The following P2RY8 variants were observed in gnomAD, a reference collection of about 807,000 sequenced individuals.
P2RY8 encodes P2Y receptor family member 8.
P2RY8 carries 6 observed loss-of-function variants against 10.0 expected under a neutral mutation model. The observed-to-expected ratio is 0.60, with a 90% CI of 0.33 to 1.19. The LOEUF is 1.19. P2RY8 is among the 50% of genes most tolerant of loss of function. The probability of loss-of-function intolerance (pLI) is 0.04; values close to 1 mark genes in which losing one functional copy is unlikely to be tolerated. For missense variants in P2RY8, 456 were observed against 542.0 expected, an observed-to-expected ratio of 0.84 and a Z score of 1.58; for synonymous variants, 276 against 252.5, an observed-to-expected ratio of 1.09 and a Z score of -0.88.
chrX:1,506,686 T>C (rs189804852), intron 1 of P2RY8, among the ~76,000 whole-genome samples: 3,649 of 151,766 alleles, frequency 0.024, 128 homozygotes, highest in African/African-American at 0.078. Context: ...TTCTTTCTTT[T>C]TTTTTTTTTG....
intron 1 of P2RY8, among the ~76,000 whole-genome samples, chrX:1,505,987 C>CT (rs542485545): frequency 0.015 from 1,653 of 108,760 alleles, 32 homozygotes; most frequent in African/African-American, 0.038. Context: ...TTTCTTTCTT[C>CT]TTTTTTTTTT....
At chrX:1,514,157 G>C (rs1361351930) in intron 1 of P2RY8, among the ~76,000 whole-genome samples, 2 of 151,980 alleles carry the variant, frequency 1.3e-5, no homozygotes, top group Admixed American at 6.6e-5. Context: ...TATAAATCCA[G>C]GGCAAACCAA....
intron 1 of P2RY8, among the ~76,000 whole-genome samples, chrX:1,491,820 A>G (rs2149391595): frequency 6.6e-6 from 1 of 152,202 alleles, no homozygotes; most frequent in South Asian, 2.1e-4. Flanking sequence ...AATGAATGCC[A>G]CTCTGAGAAT....
chrX:1,495,271 T>C (rs1476120581), intron 1 of P2RY8, among the ~76,000 whole-genome samples: 1 of 152,182 alleles, frequency 6.6e-6, no homozygotes, highest in Non-Finnish European at 1.5e-5. Flanking sequence ...CAGGCTGCAT[T>C]GTACCCTCCC....
chrX:1,505,708 T>A (rs1440888298), intron 1 of P2RY8, among the ~76,000 whole-genome samples: 2 of 151,956 alleles, frequency 1.3e-5, no homozygotes, highest in African/African-American at 4.8e-5. Context: ...GAGAATCGCT[T>A]GAACCAGGGA....
chrX:1,505,048 G>A (rs2092218276), intron 1 of P2RY8, among the ~76,000 whole-genome samples: 1 of 150,870 alleles, frequency 6.6e-6, no homozygotes, highest in Non-Finnish European at 1.5e-5. Flanking sequence ...TGAGGCAGGA[G>A]AATGGCGTGA....
chrX:1,535,606 C>G (rs1347179801), intron 1 of P2RY8, among the ~76,000 whole-genome samples: 2 of 151,898 alleles, frequency 1.3e-5, no homozygotes, highest in Non-Finnish European at 1.5e-5. Context: ...CCACGGGCTT[C>G]AGCTCCTCAG....
chrX:1,486,498 T>G (rs2091987571), intron 1 of P2RY8, among the ~76,000 whole-genome samples: 2 of 152,168 alleles, frequency 1.3e-5, no homozygotes, highest in East Asian at 3.9e-4. Context: ...TCCATTTCAA[T>G]AAAATGCCCA....
At chrX:1,497,953 A>G (rs775859061) in intron 1 of P2RY8, among the ~76,000 whole-genome samples, 10 of 152,186 alleles carry the variant, frequency 6.6e-5, no homozygotes, top group African/African-American at 2.4e-4. Context: ...TAAGAAGCAG[A>G]GAGGGATGAG....
At chrX:1,487,843 G>T (rs1392498644) in intron 1 of P2RY8, among the ~76,000 whole-genome samples, 25 of 152,184 alleles carry the variant, frequency 1.6e-4, no homozygotes, top group African/African-American at 5.3e-4. Flanking sequence ...AGGCGCGGTG[G>T]CTCACGCCTG....
At chrX:1,524,430 CATCCATCCATTCATCCATCT>C (rs1269814742) in intron 1 of P2RY8, among the ~76,000 whole-genome samples, 13 of 146,434 alleles carry the variant, frequency 8.9e-5, no homozygotes, top group South Asian at 2.2e-4. Flanking sequence ...TCCATCCATC[CATCCATCCATTCATCCATCT>C]ATCCATCCAT....
Position 1,463,776 on chromosome X carries a change from C to T in P2RY8, c.*1703G>A, listed in dbSNP as rs1411608275. On this transcript the variant is annotated 3_prime_UTR_variant, in exon 2 of 2. Coordinates refer to ENST00000381297, the MANE Select transcript of P2RY8 (RefSeq NM_178129.5). The stretch of plus-strand genomic sequence containing the variant: ...ACTCCAGGCATCCCTGGGCTTGGGG[C>T]AGCATCACTTCAGTCTCTGCCTCTG... The T allele has an allele frequency of 1.2e-4, 28 of 233,116 alleles. 1 individual carries two copies. The East Asian group carries it at 1.7e-3, about 14-fold the overall frequency. The allele number at this position is 233,116 out of a possible 1,614,324, so 14.4% of individuals were successfully genotyped here.
At chrX:1,489,586 G>T (rs1185431582) in intron 1 of P2RY8, among the ~76,000 whole-genome samples, 12 of 151,878 alleles carry the variant, frequency 7.9e-5, no homozygotes, top group African/African-American at 2.9e-4. Flanking sequence ...ATGATACCCA[G>T]ATATTCCCTG....
intron 1 of P2RY8, among the ~76,000 whole-genome samples, chrX:1,498,393 G>C (rs748874455): frequency 8.2e-6 from 1 of 121,802 alleles, no homozygotes; most frequent in Non-Finnish European, 1.7e-5. Flanking sequence ...GCGACAGAGC[G>C]AGACTCTGTC....
At chrX:1,524,549 C>CCATCCATG (rs1491376318) in intron 1 of P2RY8, among the ~76,000 whole-genome samples, 19 of 93,086 alleles carry the variant, frequency 2.0e-4, no homozygotes, top group Non-Finnish European at 4.0e-4. Context: ...ATCCATCCAT[C>CCATCCATG]CATGCATGCA....
chrX:1,508,716 A>AT (rs1224549765), intron 1 of P2RY8, among the ~76,000 whole-genome samples: 766 of 73,456 alleles, frequency 0.01, 11 homozygotes, highest in African/African-American at 0.023. Flanking sequence ...CTATCTATCT[A>AT]TCTATCTATC....
intron 1 of P2RY8, among the ~76,000 whole-genome samples, chrX:1,536,262 T>C (rs1475768512): frequency 1.1e-4 from 16 of 151,550 alleles, no homozygotes; most frequent in African/African-American, 3.7e-4. Flanking sequence ...AATGAGTTTT[T>C]TTTTGTTTTT....
intron 1 of P2RY8, among the ~76,000 whole-genome samples, chrX:1,508,698 CATCCATTCTATCT>C (rs2092257640): frequency 2.2e-5 from 2 of 90,980 alleles, no homozygotes; most frequent in Admixed American, 1.1e-4. Flanking sequence ...TCCATCCATC[CATCCATTCTATCT>C]ATCTATCTAT....
At chrX:1,520,789 T>C (rs1443265474) in intron 1 of P2RY8, among the ~76,000 whole-genome samples, 1 of 151,962 alleles carries the variant, frequency 6.6e-6, no homozygotes, top group African/African-American at 2.4e-5. Context: ...CCCAATAATC[T>C]CCCTCATCCT....
Sources: gnomAD v4.1 joint callset for allele counts (sites outside exome capture counted in the v4.1 genomes callset) on GRCh38, gnomAD v4.1.1 for gene constraint, MANE v1.5 for transcripts, NCBI Gene and HGNC (gene_info 2026-07-23, HGNC 2026-07-21) for gene names.